PIBF1: variants seen among roughly 807,000 people sequenced by gnomAD.
The protein encoded by PIBF1 is progesterone immunomodulatory binding factor 1.
A neutral mutation model predicts 112.5 loss-of-function variants in PIBF1; 90 were observed. The ratio of observed to expected loss-of-function variants is 0.80; its 90% CI spans 0.67 to 0.95. The LOEUF (loss-of-function observed/expected upper bound fraction) is 0.95, where lower values mean the gene tolerates loss of function less well. Ranked by LOEUF, PIBF1 falls within the 40% of genes least tolerant of loss-of-function variation. The pLI is 0.00. For missense variants in PIBF1, 915 were observed against 852.3 expected, an observed-to-expected ratio of 1.07 and a Z score of -0.92; for synonymous variants, 301 against 288.6, an observed-to-expected ratio of 1.04 and a Z score of -0.44.
intron 6 of PIBF1, among the ~76,000 whole-genome samples, chr13:72,826,113 A>T (rs143567035): frequency 1.3e-4 from 19 of 151,952 alleles, no homozygotes; most frequent in East Asian, 1.2e-3. Context: ...AAATTTAAAA[A>T]TTTTTTTAAT....
rs138223571 is a variant in PIBF1 at position 73,001,072 on chromosome 13, A to G, written c.2223+2077A>G. 4.5e-3 allele frequency among the ~76,000 whole-genome samples: 680 copies of G among 152,304 alleles called. 8 individuals are homozygous for G. Among genetic ancestry groups the G allele is most frequent in the African/African-American group, 0.015 (608 of 41,566 alleles). ...AAGTCAAATCAAAGACTGTAAGCTAATGCAGAATTAGTAAGGTGAACCGAC... is the reference window on the plus strand; with the variant it reads ...AAGTCAAATCAAAGACTGTAAGCTAGTGCAGAATTAGTAAGGTGAACCGAC... On this transcript the variant is annotated intron_variant, in intron 17 of 17. Coordinates refer to ENST00000326291, the MANE Select transcript of PIBF1 (RefSeq NM_006346.4).
chr13:72,935,323 A>G (rs538953196), intron 14 of PIBF1, among the ~76,000 whole-genome samples: 28 of 152,174 alleles, frequency 1.8e-4, no homozygotes, highest in South Asian at 6.2e-4. Flanking sequence ...TATAGTATGT[A>G]TATGCTTTTT....
At chr13:72,874,181 A>G (rs1171131583) in intron 10 of PIBF1, among the ~76,000 whole-genome samples, 1 of 152,180 alleles carries the variant, frequency 6.6e-6, no homozygotes, top group Non-Finnish European at 1.5e-5. Flanking sequence ...GACTGTGTCA[A>G]ACAGTTTGAC....
chr13:72,875,491 A>G (rs547078433), intron 10 of PIBF1, among the ~76,000 whole-genome samples: 1,125 of 108,778 alleles, frequency 0.01, 10 homozygotes, highest in African/African-American at 0.027. Flanking sequence ...AGTGTGGGGG[A>G]AAAAAAAAAG....
chr13:73,013,193 C>T (rs1264140273), intron 17 of PIBF1, among the ~76,000 whole-genome samples: 6 of 147,482 alleles, frequency 4.1e-5, no homozygotes, highest in South Asian at 2.2e-4. Context: ...CCCAGCTACT[C>T]GGGAGGCTGA....
chr13:72,902,004 A>ATGTGTGTGTGTGTGTGTGTG (rs1206491287), intron 11 of PIBF1, among the ~76,000 whole-genome samples: 5 of 31,364 alleles, frequency 1.6e-4, no homozygotes, highest in African/African-American at 6.1e-4. Flanking sequence ...GTGTGTATGT[A>ATGTGTGTGTGTGTGTGTGTG]TATGTGTGTG....
chr13:72,911,547 G>A (rs941691540), intron 12 of PIBF1, among the ~76,000 whole-genome samples: 2 of 151,784 alleles, frequency 1.3e-5, no homozygotes, highest in Non-Finnish European at 2.9e-5. Context: ...TCTTTACAAC[G>A]TGGAGTACAT....
At chr13:72,884,286 C>T (rs1339659854) in intron 10 of PIBF1, among the ~76,000 whole-genome samples, 4 of 152,152 alleles carry the variant, frequency 2.6e-5, no homozygotes, top group African/African-American at 9.7e-5. Context: ...ATTCAAGTTT[C>T]CTCTTAGTAT....
chr13:72,925,347 T>C (rs1020701667), intron 13 of PIBF1, among the ~76,000 whole-genome samples: 1 of 152,140 alleles, frequency 6.6e-6, no homozygotes, highest in Non-Finnish European at 1.5e-5. Flanking sequence ...AAACAGGAGA[T>C]ATGAATGAAC....
chr13:72,939,441 C>T (rs1041016087), intron 14 of PIBF1, among the ~76,000 whole-genome samples: 3 of 152,110 alleles, frequency 2.0e-5, no homozygotes, highest in Non-Finnish European at 4.4e-5. Flanking sequence ...TGTGGATTTA[C>T]TTCATCTGGA....
At position 72,854,101 on chromosome 13, in the gene PIBF1, GA is replaced by G. The variant is rs745615672; in HGVS notation, c.1269del (p.Ala424GlnfsTer2). On this transcript the variant is annotated frameshift_variant, in exon 10 of 18. Transcript: ENST00000326291. LOFTEE classifies it high-confidence loss of function. ...GATAATGCTGTGGCTGAAAAGGAACGAGCAGTGATGGCTGAAAAGGATGCTT... is the reference window on the plus strand; with the variant it reads ...GATAATGCTGTGGCTGAAAAGGAACGGCAGTGATGGCTGAAAAGGATGCTT... ...ARDNAVAEKERAVMAEKDALE... is the reference protein window; with the variant it reads ...ARDNAVAEKEXAVMAEKDALE... 6.2e-7 allele frequency: 1 copy of G among 1,613,532 alleles called. No homozygotes were observed. Among genetic ancestry groups the G allele is most frequent in the East Asian group, 2.2e-5 (1 of 44,864 alleles).
chr13:72,862,106 GA>G (rs528794111), intron 10 of PIBF1, among the ~76,000 whole-genome samples: 16 of 151,392 alleles, frequency 1.1e-4, no homozygotes, highest in Non-Finnish European at 2.2e-4. Context: ...AATGGACCAG[GA>G]AAAAAAACAT....
intron 5 of PIBF1, among the ~76,000 whole-genome samples, chr13:72,807,281 A>T (rs1049906294): frequency 2.6e-5 from 4 of 152,200 alleles, no homozygotes; most frequent in Non-Finnish European, 4.4e-5. Context: ...TAACATTTTA[A>T]TACATTTATT....
intron 1 of PIBF1, among the ~76,000 whole-genome samples, chr13:72,782,875 CGTGTGTGTGT>C (rs34618038): frequency 4.7e-5 from 7 of 147,470 alleles, no homozygotes; most frequent in South Asian, 2.2e-4. Flanking sequence ...TCGTTAAGGG[CGTGTGTGTGT>C]GTGTGTGTGT....
rs1436063433 is a variant in PIBF1, at chr13:72,903,658, G to A, written c.1489-4873G>A. ...TATTTAATGACTCTGGTATTAGACT[G>A]CATGCTCTAGACAATTAACCAGAGC... is the stretch of plus-strand genomic sequence containing the variant. On this transcript the variant is annotated intron_variant, in intron 11 of 17. Coordinates refer to ENST00000326291, the MANE Select transcript of PIBF1 (RefSeq NM_006346.4). Among the ~76,000 whole-genome samples the A allele has an allele frequency of 2.6e-5, 4 of 152,148 alleles. No individual in the cohort carries two copies. The South Asian group carries it at 8.3e-4, about 32-fold the overall frequency.
chr13:72,960,560 A>G (rs1245064036), intron 14 of PIBF1, among the ~76,000 whole-genome samples: 2 of 152,248 alleles, frequency 1.3e-5, no homozygotes, highest in African/African-American at 4.8e-5. Flanking sequence ...TAGATTTGGT[A>G]TGTTTTAAAC....
At chr13:72,806,157 T>C (rs1173861338) in intron 5 of PIBF1, among the ~76,000 whole-genome samples, 2 of 152,220 alleles carry the variant, frequency 1.3e-5, no homozygotes, top group South Asian at 2.1e-4. Context: ...CTAGTACTTT[T>C]GTATGTTGCA....
At chr13:72,948,646 T>G (rs2042213265) in intron 14 of PIBF1, among the ~76,000 whole-genome samples, 1 of 152,238 alleles carries the variant, frequency 6.6e-6, no homozygotes, top group Admixed American at 6.5e-5. Context: ...ATGCTGCTAA[T>G]AAAGACATAC....
chr13:72,971,280 A>G (rs2042885784), intron 15 of PIBF1, among the ~76,000 whole-genome samples: 1 of 152,054 alleles, frequency 6.6e-6, no homozygotes, highest in African/African-American at 2.4e-5. Context: ...ATACATGTAT[A>G]TGAACATAGA....
Sources: allele counts gnomAD v4.1 joint callset (sites outside exome capture counted in the v4.1 genomes callset), GRCh38; gene constraint gnomAD v4.1.1; transcripts MANE v1.5; gene names NCBI Gene and HGNC (gene_info 2026-07-23, HGNC 2026-07-21).